PHACTR1: variants seen among roughly 807,000 people sequenced by gnomAD.
PHACTR1 encodes RPEL repeat containing 1.
Under a neutral mutation model 69.2 loss-of-function variants are expected in PHACTR1, and 16 were observed. The observed-to-expected ratio is 0.23, with a 90% CI of 0.16 to 0.35. The LOEUF (loss-of-function observed/expected upper bound fraction) is 0.35, where lower values mean the gene tolerates loss of function less well. Ranked by LOEUF, PHACTR1 falls within the 10% of genes least tolerant of loss-of-function variation. PHACTR1 has a pLI of 1.00. For synonymous variants in PHACTR1, 312 were observed against 284.5 expected (o/e 1.10, Z -0.97); for missense variants, 510 against 734.7 (o/e 0.69, Z 3.54).
intron 4 of PHACTR1, among the ~76,000 whole-genome samples, chr6:12,864,504 C>T (rs1781257415): frequency 6.6e-6 from 1 of 152,198 alleles, no homozygotes; most frequent in Admixed American, 6.5e-5. Flanking sequence ...CACGCTGAAA[C>T]CCCTTCTCTA....
chr6:13,036,130 G>A (rs1316908734), intron 4 of PHACTR1, among the ~76,000 whole-genome samples: 7 of 140,628 alleles, frequency 5.0e-5, no homozygotes, highest in African/African-American at 9.9e-5. Context: ...ATCCACCCCC[G>A]CATTCCAAAA....
At chr6:12,739,553 T>C (rs938557740) in intron 3 of PHACTR1, among the ~76,000 whole-genome samples, 34 of 152,156 alleles carry the variant, frequency 2.2e-4, no homozygotes, top group Middle Eastern at 3.2e-3. Context: ...AATTTATTTA[T>C]TTTTGAGACA....
At chr6:12,883,919 C>G (rs1297264090) in intron 4 of PHACTR1, among the ~76,000 whole-genome samples, 1 of 152,170 alleles carries the variant, frequency 6.6e-6, no homozygotes, top group Non-Finnish European at 1.5e-5. Context: ...CACATGCACA[C>G]ACACACACAT....
At chr6:12,980,380 C>T (rs1487215062) in intron 4 of PHACTR1, among the ~76,000 whole-genome samples, 2 of 152,060 alleles carry the variant, frequency 1.3e-5, no homozygotes, top group African/African-American at 2.4e-5. Flanking sequence ...ATTATCTCCC[C>T]GCGTCACCCT....
intron 10 of PHACTR1, among the ~76,000 whole-genome samples, chr6:13,248,577 C>A (rs1773912631): frequency 6.6e-6 from 1 of 152,200 alleles, no homozygotes; most frequent in South Asian, 2.1e-4. Flanking sequence ...AAATTCTGGT[C>A]TCTTGTGTGT....
At chr6:13,001,640 T>C (rs1006269794) in intron 4 of PHACTR1, among the ~76,000 whole-genome samples, 1 of 152,200 alleles carries the variant, frequency 6.6e-6, no homozygotes, top group Admixed American at 6.5e-5. Context: ...CTTGATTCAG[T>C]GCCACCTCTC....
chr6:12,994,129 A>T (rs1797129932), intron 4 of PHACTR1, among the ~76,000 whole-genome samples: 1 of 152,340 alleles, frequency 6.6e-6, no homozygotes, highest in South Asian at 2.1e-4. Context: ...TAGTCTTTGA[A>T]ATTAAACACT....
intron 3 of PHACTR1, among the ~76,000 whole-genome samples, chr6:12,726,572 G>A (rs373734255): frequency 4.6e-5 from 7 of 152,298 alleles, no homozygotes; most frequent in East Asian, 1.9e-4. Flanking sequence ...AAACACACAC[G>A]TTGAGAACCA....
At chr6:13,110,916 T>A (rs1816935867) in intron 5 of PHACTR1, among the ~76,000 whole-genome samples, 1 of 151,270 alleles carries the variant, frequency 6.6e-6, no homozygotes, top group Non-Finnish European at 1.5e-5. Flanking sequence ...GGGTTTTTGT[T>A]TTTTGTTTTT....
rs146237510 is a variant in PHACTR1 at position 12,831,246 on chromosome 6, C to G, written c.250+81456C>G. ...ATGAATGAACATTGAAATTACGATG[C>G]ATTTTTGAAATCTATGTGAACACTG... On this transcript the variant is annotated intron_variant, in intron 4 of 14. Coordinates refer to ENST00000332995, the MANE Select transcript of PHACTR1 (RefSeq NM_030948.6). 7.0e-3 allele frequency among the ~76,000 whole-genome samples: 1,071 copies of G among 152,258 alleles called. 17 individuals carry two copies. Among genetic ancestry groups the G allele is most frequent in the African/African-American group, 0.025 (1,020 of 41,556 alleles).
At chr6:13,062,385 C>T (rs529647490) in intron 5 of PHACTR1, among the ~76,000 whole-genome samples, 2 of 152,328 alleles carry the variant, frequency 1.3e-5, no homozygotes, top group South Asian at 2.1e-4. Flanking sequence ...AGTTTCCCGG[C>T]TTCCCCTTTC....
intron 4 of PHACTR1, among the ~76,000 whole-genome samples, chr6:13,010,615 C>A (rs1182119355): frequency 6.6e-6 from 1 of 152,198 alleles, no homozygotes; most frequent in Non-Finnish European, 1.5e-5. Context: ...TGCTGCATTT[C>A]TAACAAGCTC....
At chr6:13,097,103 C>T (rs1238019360) in intron 5 of PHACTR1, among the ~76,000 whole-genome samples, 1 of 152,198 alleles carries the variant, frequency 6.6e-6, no homozygotes, top group East Asian at 1.9e-4. Flanking sequence ...CAGGTTTACA[C>T]TCTTGTTCCA....
chr6:13,268,736 A>G (rs1435028878), intron 10 of PHACTR1, among the ~76,000 whole-genome samples: 2 of 152,242 alleles, frequency 1.3e-5, no homozygotes, highest in Non-Finnish European at 2.9e-5. Flanking sequence ...CAATGCCACC[A>G]TATCATTTTC....
intron 4 of PHACTR1, among the ~76,000 whole-genome samples, chr6:12,884,623 G>T (rs568935638): frequency 1.3e-5 from 2 of 152,236 alleles, no homozygotes; most frequent in African/African-American, 4.8e-5. Context: ...GGATGGTCTC[G>T]ATCTCCTGAC....
chr6:13,066,208 C>G (rs1453503085), intron 5 of PHACTR1, among the ~76,000 whole-genome samples: 2 of 152,168 alleles, frequency 1.3e-5, no homozygotes, highest in African/African-American at 4.8e-5. Flanking sequence ...TAAGTCCAGG[C>G]TATAAAATCC....
intron 4 of PHACTR1, among the ~76,000 whole-genome samples, chr6:12,842,735 A>G (rs1778822475): frequency 6.6e-6 from 1 of 151,930 alleles, no homozygotes; most frequent in African/African-American, 2.4e-5. Flanking sequence ...TGTTAGAGAC[A>G]GGGTCTCACT....
At chr6:13,101,616 G>A (rs1815173373) in intron 5 of PHACTR1, among the ~76,000 whole-genome samples, 1 of 152,234 alleles carries the variant, frequency 6.6e-6, no homozygotes. Flanking sequence ...AACTCACAGA[G>A]TGATGTGGTC....
intron 7 of PHACTR1, among the ~76,000 whole-genome samples, chr6:13,186,605 CA>C (rs1489822964): frequency 2.0e-5 from 3 of 152,128 alleles, no homozygotes; most frequent in Non-Finnish European, 4.4e-5. Context: ...AAACATTGTA[CA>C]AAATAAACCC....
Sources: gnomAD v4.1 joint callset for allele counts (sites outside exome capture counted in the v4.1 genomes callset) on GRCh38, gnomAD v4.1.1 for gene constraint, MANE v1.5 for transcripts, NCBI Gene and HGNC (gene_info 2026-07-23, HGNC 2026-07-21) for gene names.